SLC35A5: variants seen among roughly 807,000 people sequenced by gnomAD.
The protein encoded by SLC35A5 is solute carrier family 35 member A5.
In SLC35A5, 28 loss-of-function variants were observed where a neutral mutation model predicts 36.3. The ratio of observed to expected loss-of-function variants is 0.77; its 90% CI spans 0.57 to 1.06. The LOEUF (loss-of-function observed/expected upper bound fraction) is 1.06. SLC35A5 is among the 50% of genes least tolerant of loss of function. The pLI, the probability that SLC35A5 is intolerant of heterozygous loss-of-function variation, is 0.00. For missense variants in SLC35A5, 521 were observed against 499.3 expected (o/e 1.04, Z -0.41); for synonymous variants, 180 against 173.7 (o/e 1.04, Z -0.29).
intron 2 of SLC35A5, 140 bp downstream of exon 2, chr3:112,563,673 T>C (rs1286282992): frequency 1.1e-6 from 1 of 922,764 alleles, no homozygotes. Flanking sequence ...TTAAATTTGA[T>C]TATTTAACCT....
chr3:112,565,782 A>G (rs1460353445), intron 2 of SLC35A5, among the ~76,000 whole-genome samples: 1 of 151,704 alleles, frequency 6.6e-6, no homozygotes, highest in Non-Finnish European at 1.5e-5. Context: ...AGAAAAAAGA[A>G]AAAAAAAAGT....
chr3:112,581,161 C>A lies in SLC35A5; in HGVS notation c.1044C>A (p.Val348=). The A allele has an allele frequency of 6.2e-7, 1 of 1,613,968 alleles. No individual in the cohort carries two copies. Among genetic ancestry groups the A allele is most frequent in the Non-Finnish European group, 8.5e-7 (1 of 1,179,950 alleles). The part of the protein sequence containing the change: ...VTTVIITTVS[V]LVFDFRPSLE... ...CTGTCATTATCACAACAGTGTCTGT[C>A]CTGGTCTTTGACTTCAGGCCCTCCC... The change falls in exon 6 of 7, where the codon GTC becomes GTA. Residue 348 remains valine (V), a synonymous_variant. Coordinates refer to ENST00000492406, the MANE Select transcript of SLC35A5 (RefSeq NM_017945.5).
chr3:112,570,509 C>G, intron 3 of SLC35A5, 31 bp from the exon 4 acceptor site: 1 of 1,585,120 alleles, frequency 6.3e-7, no homozygotes, highest in Non-Finnish European at 8.6e-7. Flanking sequence ...GCATTCTCAT[C>G]AAGGTCATTT....
intron 4 of SLC35A5, among the ~76,000 whole-genome samples, chr3:112,573,178 A>C (rs1209446786): frequency 1.3e-5 from 2 of 152,186 alleles, no homozygotes; most frequent in Admixed American, 6.5e-5. Context: ...GGTGAAGTAC[A>C]TCCTAAGATT....
rs754529346 is a variant in SLC35A5 at position 112,583,539 on chromosome 3, A to G, written c.*803A>G. The G allele has an allele frequency of 1.2e-5, 2 of 160,218 alleles. No homozygotes were observed. The highest frequency in any genetic ancestry group is 6.5e-5 in the Admixed American group (1 of 15,456). 9.9% of individuals were successfully genotyped at this position (160,218 alleles called of 1,614,324 possible). A position where few individuals can be genotyped will look rare whatever the true frequency, so the allele number is the denominator to read the frequency against. On this transcript the variant is annotated 3_prime_UTR_variant, in exon 7 of 7. Coordinates refer to ENST00000492406, the MANE Select transcript of SLC35A5 (RefSeq NM_017945.5). ...GAATTATTACATTTTGGAGAATAAG[A>G]GGGCATTTTATTTTATTAGTTACTA... is the stretch of plus-strand genomic sequence containing the variant.
intron 5 of SLC35A5, among the ~76,000 whole-genome samples, chr3:112,575,246 A>T (rs1285071738): frequency 4.6e-5 from 7 of 152,174 alleles, no homozygotes; most frequent in Admixed American, 6.5e-5. Flanking sequence ...ATGTATTTTT[A>T]AAGTGTTTGT....
At chr3:112,568,873 C>T (rs999464266) in intron 2 of SLC35A5, among the ~76,000 whole-genome samples, 1 of 152,194 alleles carries the variant, frequency 6.6e-6, no homozygotes, top group Admixed American at 6.5e-5. Flanking sequence ...CCTCTGATGC[C>T]ATGCCACAGA....
chr3:112,580,566 A>G lies in SLC35A5; in HGVS notation c.449A>G (p.Gln150Arg). The change falls in exon 6 of 7, where the codon CAG (glutamine) becomes CGG (arginine). Residue 150 changes from glutamine to arginine, a missense_variant. Coordinates refer to ENST00000492406, the MANE Select transcript of SLC35A5 (RefSeq NM_017945.5). ...IVLKRRLNWI[Q>R]WASLLTLFLS... ...AACAGGAGGCGTCTAAACTGGATCCAGTGGGCTTCCCTCCTGACTTTATTT... is the reference window on the plus strand; with the variant it reads ...AACAGGAGGCGTCTAAACTGGATCCGGTGGGCTTCCCTCCTGACTTTATTT... 6.2e-7 allele frequency: 1 copy of G among 1,613,088 alleles called. No homozygotes were observed. Among genetic ancestry groups the G allele is most frequent in the Non-Finnish European group, 8.5e-7 (1 of 1,179,486 alleles).
upstream of SLC35A5, chr3:112,561,645 A>G: frequency 1.9e-6 from 2 of 1,075,540 alleles, no homozygotes; most frequent in African/African-American, 1.6e-5. Flanking sequence ...CCCGGCTGGC[A>G]GCACCCGAGG....
intron 1 of SLC35A5, 85 bp from the exon 2 acceptor site, chr3:112,563,300 A>C (rs1051649640): frequency 1.5e-6 from 2 of 1,301,436 alleles, no homozygotes; most frequent in South Asian, 4.6e-5. Context: ...TTTTTTAAAA[A>C]TTCCTTTTTT....
chr3:112,566,578 C>A (rs375260373), intron 2 of SLC35A5, among the ~76,000 whole-genome samples: 3 of 151,972 alleles, frequency 2.0e-5, no homozygotes, highest in Admixed American at 6.6e-5. Context: ...ACATCATTAG[C>A]GAGATGGGAT....
intron 5 of SLC35A5, among the ~76,000 whole-genome samples, chr3:112,574,768 G>A (rs1326042652): frequency 6.6e-6 from 1 of 151,772 alleles, no homozygotes; most frequent in Non-Finnish European, 1.5e-5. Context: ...AGGGTGACTG[G>A]CTTGGTACAA....
Position 112,583,297 on chromosome 3 carries a change from A to AT in SLC35A5, c.*565dup. ...TGGGATGATGTAGTCTGTGCTAAATATTTTGCTGAAGAAGCAGTTTCTCAG... is the reference window on the plus strand; with the variant it reads ...TGGGATGATGTAGTCTGTGCTAAATATTTTTGCTGAAGAAGCAGTTTCTCAG... On this transcript the variant is annotated 3_prime_UTR_variant, in exon 7 of 7. Coordinates refer to ENST00000492406, the MANE Select transcript of SLC35A5 (RefSeq NM_017945.5). 1 of 394,902 alleles carries AT rather than the reference A, an allele frequency of 2.5e-6. No homozygotes were observed. Among genetic ancestry groups the AT allele is most frequent in the East Asian group, 3.6e-5 (1 of 27,968 alleles). 24.5% of individuals were successfully genotyped at this position (394,902 alleles called of 1,614,324 possible). A position where few individuals can be genotyped will look rare whatever the true frequency, so the allele number is the denominator to read the frequency against.
In SLC35A5 at chr3:112,573,882, T is replaced by G; in HGVS notation, c.361-7T>G. 6.2e-7 allele frequency: 1 copy of G among 1,610,366 alleles called. No homozygotes were observed. The highest frequency in any genetic ancestry group is 1.7e-4 in the Middle Eastern group (1 of 6,058). The stretch of plus-strand genomic sequence containing the variant: ...GGATTGTAACTCTATCTTCTCTTTC[T>G]TTCTAGGCCATGGCTGTTATCTTCT... On this transcript the variant is annotated splice_region_variant and splice_polypyrimidine_tract_variant and intron_variant, in intron 4 of 6. Transcript: ENST00000492406.
chr3:112,570,629 G>T lies in SLC35A5; in HGVS notation c.319G>T (p.Asp107Tyr). The T allele has an allele frequency of 2.5e-6, 4 of 1,611,494 alleles. No individual in the cohort carries two copies. The highest frequency in any genetic ancestry group is 3.4e-6 in the Non-Finnish European group (4 of 1,178,826). ...WSIPAFLYFL[D>Y]NLIVFYVLSY... ...CATTCCTGCCTTTCTTTATTTCCTG[G>T]ATAACTTGATTGTCTTCTATGTCCT... Residue 107 changes from aspartate to tyrosine, a missense_variant, in exon 4 of 7, where the codon GAT becomes TAT. Physicochemically the swap from Asp to Tyr is radical, Grantham distance 160. Transcript: ENST00000492406.
At position 112,581,277 on chromosome 3, in the gene SLC35A5, A is replaced by C. The variant is rs751660721; in HGVS notation, c.1160A>C (p.Gln387Pro). The C allele has an allele frequency of 8.7e-6, 14 of 1,613,276 alleles. No individual in the cohort carries two copies. Among genetic ancestry groups the C allele is most frequent in the Non-Finnish European group, 1.1e-5 (13 of 1,179,718 alleles). ...CAAGTTCCGGAATACGCACCTAGGCAAGAAAGGATCCGAGATCTAAGTGGC... is the reference window on the plus strand; with the variant it reads ...CAAGTTCCGGAATACGCACCTAGGCCAGAAAGGATCCGAGATCTAAGTGGC... ...KPQVPEYAPR[Q>P]ERIRDLSGNL... is the part of the protein sequence containing the mutation. Residue 387 changes from glutamine (Q) to proline (P), a missense_variant, in exon 6 of 7, where the codon CAA becomes CCA. Physicochemically the swap from Gln to Pro is moderately conservative, Grantham distance 76 (BLOSUM62 -1). Coordinates refer to ENST00000492406, the MANE Select transcript of SLC35A5 (RefSeq NM_017945.5).
At chr3:112,564,219 A>C (rs996873684) in intron 2 of SLC35A5, 1 of 152,062 alleles carries the variant, frequency 6.6e-6, no homozygotes, top group Admixed American at 6.5e-5. Context: ...CACACGGAGG[A>C]TCTCTGCCAG....
intron 4 of SLC35A5, among the ~76,000 whole-genome samples, chr3:112,573,512 C>CAT (rs1934540900): frequency 6.6e-6 from 1 of 152,122 alleles, no homozygotes; most frequent in Non-Finnish European, 1.5e-5. Flanking sequence ...ATTAATGGGC[C>CAT]ATACAGTACC....
At position 112,583,036 on chromosome 3, in the gene SLC35A5, T is replaced by C. The variant is rs554936906; in HGVS notation, c.*300T>C. On this transcript the variant is annotated 3_prime_UTR_variant, in exon 7 of 7. Coordinates refer to ENST00000492406, the MANE Select transcript of SLC35A5 (RefSeq NM_017945.5). The stretch of plus-strand genomic sequence containing the variant: ...TTGGCCTTCAAGCTTCCAAAAAACT[T>C]GTAATAATCATGTTAGCTATAGCTT... 3.8e-5 allele frequency: 17 copies of C among 442,962 alleles called. No individual in the cohort carries two copies. Among genetic ancestry groups the C allele is most frequent in the African/African-American group, 3.2e-4 (16 of 49,478 alleles). 27.4% of individuals were successfully genotyped at this position (442,962 alleles called of 1,614,324 possible). A position where few individuals can be genotyped will look rare whatever the true frequency, so the allele number is the denominator to read the frequency against.
Sources: allele counts gnomAD v4.1 joint callset (sites outside exome capture counted in the v4.1 genomes callset), GRCh38; gene constraint gnomAD v4.1.1; transcripts MANE v1.5; gene names NCBI Gene and HGNC (gene_info 2026-07-23, HGNC 2026-07-21).